The following CNBD1 variants were observed in gnomAD, a reference collection of about 807,000 sequenced individuals.
CNBD1 encodes the protein cyclic nucleotide binding domain containing 1.
In CNBD1, 71 loss-of-function variants were observed where a neutral mutation model predicts 54.4. The observed-to-expected ratio is 1.30, with a 90% CI of 1.08 to 1.59. The LOEUF is 1.59. Among genes scored for constraint, CNBD1 ranks in the 40% most tolerant of loss-of-function variants. The pLI is 0.00. For missense variants in CNBD1, 659 were observed against 518.0 expected, an observed-to-expected ratio of 1.27 and a Z score of -2.64; for synonymous variants, 182 against 170.7, an observed-to-expected ratio of 1.07 and a Z score of -0.51.
chr8:87,419,032 T>C (rs933596494), intron 2 of CNBD1, among the ~76,000 whole-genome samples: 1 of 151,854 alleles, frequency 6.6e-6, no homozygotes, highest in African/African-American at 2.4e-5. Flanking sequence ...CTCATAACAG[T>C]GCCAAAGTGT....
intron 4 of CNBD1, among the ~76,000 whole-genome samples, chr8:87,134,404 A>G (rs1438478737): frequency 1.3e-5 from 2 of 152,082 alleles, no homozygotes; most frequent in African/African-American, 2.4e-5. Flanking sequence ...ACACCAATAT[A>G]TGTTCTTTCA....
chr8:87,118,158 A>T (rs1811813531), intron 4 of CNBD1, among the ~76,000 whole-genome samples: 2 of 151,970 alleles, frequency 1.3e-5, no homozygotes, highest in Admixed American at 6.6e-5. Context: ...TACTAAAAAT[A>T]CAAAAAATTA....
At chr8:87,332,558 A>T (rs866732796) in intron 8 of CNBD1, among the ~76,000 whole-genome samples, 10 of 152,102 alleles carry the variant, frequency 6.6e-5, no homozygotes, top group African/African-American at 2.4e-4. Context: ...ATTTTTGCAT[A>T]AGGTTTAAGG....
chr8:87,302,172 A>G (rs1306425060), intron 8 of CNBD1, among the ~76,000 whole-genome samples: 1 of 152,216 alleles, frequency 6.6e-6, no homozygotes, highest in Non-Finnish European at 1.5e-5. Context: ...AAAGCCTGGC[A>G]GAGACACAAC....
chr8:87,425,981 GC>G (rs2130997209), intron 2 of CNBD1, among the ~76,000 whole-genome samples: 1 of 152,328 alleles, frequency 6.6e-6, no homozygotes, highest in East Asian at 1.9e-4. Flanking sequence ...ACTCAGTGGG[GC>G]AGGACCCTCT....
At chr8:86,900,968 A>G (rs1808923652) in intron 2 of CNBD1, among the ~76,000 whole-genome samples, 1 of 152,194 alleles carries the variant, frequency 6.6e-6, no homozygotes, top group Non-Finnish European at 1.5e-5. Flanking sequence ...AAAAAATATA[A>G]TTTTGAAGGC....
At chr8:87,225,588 G>T (rs1035414479) in intron 5 of CNBD1, among the ~76,000 whole-genome samples, 20 of 152,090 alleles carry the variant, frequency 1.3e-4, no homozygotes, top group Non-Finnish European at 2.5e-4. Flanking sequence ...CAGGGATGAA[G>T]CCCACTTGAT....
chr8:87,078,036 C>T (rs35096718), intron 4 of CNBD1, among the ~76,000 whole-genome samples: 8,210 of 152,184 alleles, frequency 0.054, 299 homozygotes, highest in African/African-American at 0.096. Flanking sequence ...GTCTCACTTC[C>T]AAATGTCATC....
intron 4 of CNBD1, among the ~76,000 whole-genome samples, chr8:87,122,491 C>G (rs758864061): frequency 6.6e-6 from 1 of 151,564 alleles, no homozygotes; most frequent in Non-Finnish European, 1.5e-5. Context: ...TGTGGATTGC[C>G]TCTTCAGTCT....
chr8:86,991,882 G>T (rs969793148), intron 4 of CNBD1, among the ~76,000 whole-genome samples: 2 of 152,088 alleles, frequency 1.3e-5, no homozygotes, highest in Admixed American at 6.6e-5. Flanking sequence ...AGTGTGCTTA[G>T]TATGAGTTCA....
Position 87,351,690 on chromosome 8 carries a change from G to A in CNBD1, c.1048G>A (p.Val350Met), listed in dbSNP as rs925677485. The A allele has an allele frequency of 4.0e-6, 6 of 1,504,590 alleles. No homozygotes were observed. The highest frequency in any genetic ancestry group is 4.4e-6 in the Non-Finnish European group (5 of 1,131,338). The allele number at this position is 1,504,590 out of a possible 1,614,324, so 93.2% of individuals were successfully genotyped here. ...ACTATCTCTCTTCTTTTCAGTGATA[G>A]TGGAAAGTGGAAATATAATTTCTTT... ...WKKFPPGHVI[V>M]ESGNIISFVG... The change falls in exon 9 of 11, where the codon GTG (valine) becomes ATG (methionine). Residue 350 changes from valine (V) to methionine (M), a missense_variant. Transcript: ENST00000518476.
intron 6 of CNBD1, among the ~76,000 whole-genome samples, chr8:87,240,171 C>A (rs1807666584): frequency 1.3e-5 from 2 of 151,586 alleles, no homozygotes; most frequent in African/African-American, 4.8e-5. Flanking sequence ...TTACTATCTG[C>A]AGTTAAACAT....
intron 2 of CNBD1, among the ~76,000 whole-genome samples, chr8:87,424,077 G>A (rs1002627226): frequency 6.6e-6 from 1 of 152,176 alleles, no homozygotes; most frequent in South Asian, 2.1e-4. Flanking sequence ...AGTGTTTGTA[G>A]TATTCTCTGA....
intron 5 of CNBD1, among the ~76,000 whole-genome samples, chr8:87,223,267 T>G (rs1217503390): frequency 2.0e-5 from 3 of 151,472 alleles, no homozygotes; most frequent in African/African-American, 7.3e-5. Context: ...ATTATTTAAG[T>G]TTTAGGGTAC....
At chr8:87,097,823 T>A (rs1469101083) in intron 4 of CNBD1, among the ~76,000 whole-genome samples, 1 of 152,206 alleles carries the variant, frequency 6.6e-6, no homozygotes, top group Non-Finnish European at 1.5e-5. Context: ...TTTGCACTCT[T>A]GACACCCTAA....
intron 6 of CNBD1, among the ~76,000 whole-genome samples, chr8:87,252,171 A>G (rs1807929951): frequency 6.6e-6 from 1 of 152,198 alleles, no homozygotes; most frequent in Non-Finnish European, 1.5e-5. Context: ...ATGGTTCAAC[A>G]GTGGTCCAAG....
intron 8 of CNBD1, among the ~76,000 whole-genome samples, chr8:87,320,610 G>C (rs1450847651): frequency 7.6e-6 from 1 of 132,122 alleles, no homozygotes; most frequent in Admixed American, 7.4e-5. Flanking sequence ...GTATGTGCAC[G>C]TGTGTGTGTG....
intron 10 of CNBD1, among the ~76,000 whole-genome samples, chr8:87,354,550 TC>T (rs1810384814): frequency 1.3e-5 from 2 of 151,856 alleles, no homozygotes; most frequent in Non-Finnish European, 2.9e-5. Context: ...TTGCTATCCC[TC>T]CCCCTTCCCC....
intron 8 of CNBD1, among the ~76,000 whole-genome samples, chr8:87,335,747 A>T (rs1336089472): frequency 6.6e-6 from 1 of 152,146 alleles, no homozygotes; most frequent in Non-Finnish European, 1.5e-5. Context: ...TCATGTCGTC[A>T]TGACACTGGC....
Sources: allele counts gnomAD v4.1 joint callset (sites outside exome capture counted in the v4.1 genomes callset), GRCh38; gene constraint gnomAD v4.1.1; transcripts MANE v1.5; gene names NCBI Gene and HGNC (gene_info 2026-07-23, HGNC 2026-07-21).